KLF16: variants seen among roughly 807,000 people sequenced by gnomAD.
KLF16 encodes the protein KLF transcription factor 16.
A neutral mutation model predicts 6.1 loss-of-function variants in KLF16; 6 were observed. The ratio of observed to expected loss-of-function variants is 0.98; its 90% CI spans 0.54 to 1.93. The LOEUF (loss-of-function observed/expected upper bound fraction) is 1.93, where lower values mean the gene tolerates loss of function less well. Ranked by LOEUF, KLF16 falls within the 30% of genes most tolerant of loss-of-function variation. The pLI is 0.01. For synonymous variants in KLF16, 211 were observed against 176.5 expected (o/e 1.20, Z -1.55); for missense variants, 355 against 363.8 (o/e 0.98, Z 0.20).
chr19:1,866,627 T>A (rs1267917591), upstream of KLF16, among the ~76,000 whole-genome samples: 5 of 136,142 alleles, frequency 3.7e-5, no homozygotes, highest in South Asian at 2.3e-4. Flanking sequence ...AAAAAAAAAA[T>A]TAGCGGGCGC....
chr19:1,859,375 AG>A (rs1189005971), intron 1 of KLF16, among the ~76,000 whole-genome samples: 11 of 152,196 alleles, frequency 7.2e-5, no homozygotes, highest in South Asian at 6.2e-4. Context: ...CCCAGTGCGT[AG>A]ACCAGCACGC....
At chr19:1,866,620 A>T (rs2012192523), upstream of KLF16, among the ~76,000 whole-genome samples, 1 of 151,632 alleles carries the variant, frequency 6.6e-6, no homozygotes, top group Non-Finnish European at 1.5e-5. Flanking sequence ...CTCAAAAAAA[A>T]AAAAAATTAG....
rs1449180336 is a variant in KLF16, at chr19:1,854,695, C to T, written c.523G>A (p.Ala175Thr). The T allele has an allele frequency of 6.2e-7, 1 of 1,600,254 alleles. No homozygotes were observed. ...CCCGTGTGCGTCCGGTGGTGGCGGG[C>T]CAGCTCGTCGGAGCGGGCGAACTTC... ...DKKFARSDEL[A>T]RHHRTHTGEK... is the part of the protein sequence containing the mutation. Residue 175 changes from alanine (A) to threonine (T), a missense_variant, in exon 2 of 2, where the codon GCC becomes ACC. Physicochemically the swap from Ala to Thr is moderately conservative, Grantham distance 58. Transcript: ENST00000250916.
chr19:1,864,762 G>C (rs2012157326), upstream of KLF16, among the ~76,000 whole-genome samples: 1 of 152,196 alleles, frequency 6.6e-6, no homozygotes, highest in Admixed American at 6.5e-5. Context: ...TTAAATATTA[G>C]GGGGGACACC....
Position 1,854,551 on chromosome 19 carries a change from G to A in KLF16, c.667C>T (p.Arg223Cys), listed in dbSNP as rs780725882. 2.7e-4 allele frequency: 418 copies of A among 1,562,152 alleles called. 4 individuals carry two copies. The highest frequency in any genetic ancestry group is 2.3e-5 in the South Asian group (2 of 87,436). ...HPDLLRRPGA[R>C]STSPSDSLPC... ...AGCGAGTCGCTGGGGGAGGTACTGC[G>A]GGCACCAGGGCGCCGGAGCAGGTCC... is the stretch of plus-strand genomic sequence containing the variant. Residue 223 changes from arginine to cysteine, a missense_variant, in exon 2 of 2, where the codon CGC (arginine) becomes TGC (cysteine). Arg to Cys is a radical substitution (Grantham distance 180). Transcript: ENST00000250916.
the KLF16 span, among the ~76,000 whole-genome samples, chr19:1,871,660 G>A: frequency 4.6e-5 from 7 of 152,126 alleles, no homozygotes; most frequent in African/African-American, 1.4e-4. Flanking sequence ...CACGCACGGT[G>A]GGGGGCGGGG....
rs2012110556 is a variant in KLF16, at chr19:1,863,287, C to A, written c.211G>T (p.Gly71Cys). ...PPPAASGPGP[G>C]AAAAPHLLAA... ...AGCAGGTGGGGCGCCGCGGCGGCGC[C>A]GGGGCCCGGGCCAGAAGCGGCGGGG... Residue 71 changes from glycine to cysteine, a missense_variant, in exon 1 of 2, where the codon GGC becomes TGC. Physicochemically the swap from Gly to Cys is radical, Grantham distance 159. Transcript: ENST00000250916. The A allele has an allele frequency of 1.0e-6, 1 of 978,388 alleles. No homozygotes were observed. Among genetic ancestry groups the A allele is most frequent in the African/African-American group, 1.8e-5 (1 of 55,462 alleles). 60.6% of individuals were successfully genotyped at this position (978,388 alleles called of 1,614,324 possible). A position where few individuals can be genotyped will look rare whatever the true frequency, so the allele number is the denominator to read the frequency against.
upstream of KLF16, among the ~76,000 whole-genome samples, chr19:1,864,512 G>T (rs1225947454): frequency 1.3e-5 from 2 of 152,134 alleles, no homozygotes; most frequent in African/African-American, 4.8e-5. Context: ...CCCACTGGGG[G>T]TGGGGAGGGC....
chr19:1,863,493 G>A lies in KLF16; in HGVS notation c.5C>T (p.Ser2Leu). The A allele has an allele frequency of 9.8e-7, 1 of 1,017,382 alleles. No individual in the cohort carries two copies. The highest frequency in any genetic ancestry group is 1.2e-6 in the Non-Finnish European group (1 of 850,744). 63.0% of individuals were successfully genotyped at this position (1,017,382 alleles called of 1,614,324 possible). Residue 2 changes from serine (S) to leucine (L), a missense_variant, in exon 1 of 2, where the codon TCG becomes TTG. Ser to Leu is a moderately radical substitution (Grantham distance 145, BLOSUM62 -2). Transcript: ENST00000250916. M[S>L]AAVACVDYFA... Reference sequence around the variant, plus strand: ...GTAATCCACGCACGCCACGGCCGCCGACATGCCGAGCAAGGGCGCGCGGCG... The same window carrying A: ...GTAATCCACGCACGCCACGGCCGCCAACATGCCGAGCAAGGGCGCGCGGCG...
intron 1 of KLF16, among the ~76,000 whole-genome samples, chr19:1,855,226 T>C (rs1160114530): frequency 1.3e-5 from 2 of 152,178 alleles, no homozygotes; most frequent in African/African-American, 4.8e-5. Context: ...CATCTGTGCA[T>C]GATCCCCTCC....
At chr19:1,862,428 G>A (rs2012084436) in intron 1 of KLF16, among the ~76,000 whole-genome samples, 3 of 152,080 alleles carry the variant, frequency 2.0e-5, no homozygotes, top group East Asian at 1.9e-4. Flanking sequence ...ATACTATGAA[G>A]TTCCCCCGCC....
rs555030523 is a variant in KLF16 at position 1,862,366 on chromosome 19, A to C, written c.457+675T>G. ...TCGCCCGCCAGGTAGGGGTGAACAAACACGCCAGGGAAATACAGCAGTGTG... is the reference window on the plus strand; with the variant it reads ...TCGCCCGCCAGGTAGGGGTGAACAACCACGCCAGGGAAATACAGCAGTGTG... On this transcript the variant is annotated intron_variant, in intron 1 of 1. Transcript: ENST00000250916. 5.6e-4 allele frequency among the ~76,000 whole-genome samples: 85 copies of C among 152,298 alleles called. No individual in the cohort carries two copies. The East Asian group carries it at 0.015, about 27-fold the overall frequency.
rs778639691 is a variant in KLF16, at chr19:1,863,031, C to G, written c.457+10G>C. On this transcript the variant is annotated intron_variant, in intron 1 of 1. Transcript: ENST00000250916. The stretch of plus-strand genomic sequence containing the variant: ...GCCCCCGCAAGGGCCGGGATCGCGG[C>G]TGCACTCACCTGTGTGCGTCCGCAG... 7.4e-7 allele frequency: 1 copy of G among 1,356,112 alleles called. No homozygotes were observed. The highest frequency in any genetic ancestry group is 1.4e-5 in the South Asian group (1 of 70,028). 84.0% of individuals were successfully genotyped at this position (1,356,112 alleles called of 1,614,324 possible).
chr19:1,870,315 A>G, the KLF16 span, among the ~76,000 whole-genome samples: 1 of 152,140 alleles, frequency 6.6e-6, no homozygotes, highest in African/African-American at 2.4e-5. Context: ...GCACGGCAGC[A>G]GCTCACATTT....
chr19:1,854,381 C>T lies in KLF16; in HGVS notation c.*78G>A. 7.4e-7 allele frequency: 1 copy of T among 1,359,346 alleles called. No individual in the cohort carries two copies. Among genetic ancestry groups the T allele is most frequent in the Non-Finnish European group, 9.4e-7 (1 of 1,063,548 alleles). 84.2% of individuals were successfully genotyped at this position (1,359,346 alleles called of 1,614,324 possible). On this transcript the variant is annotated 3_prime_UTR_variant, in exon 2 of 2. Transcript: ENST00000250916. ...GGGTTTGCCCACGGCTGGAAGGGGC[C>T]CAGGCTCCCCGTGGGTCCTCACTAC...
intron 1 of KLF16, among the ~76,000 whole-genome samples, chr19:1,859,093 T>G (rs911915185): frequency 7.0e-6 from 1 of 142,014 alleles, no homozygotes; most frequent in African/African-American, 2.5e-5. Flanking sequence ...CCACCCCCTA[T>G]GGCCTGGCAC....
At chr19:1,874,746 C>CAAAAAAAAA in the KLF16 span, 65 of 42,000 alleles carry the variant, frequency 1.5e-3, 6 homozygotes, top group East Asian at 4.1e-3. Flanking sequence ...GTCAGAGTCC[C>CAAAAAAAAA]AAAAAAAAAA....
chr19:1,863,106 A>T lies in KLF16; in HGVS notation c.392T>A (p.Phe131Tyr). ...GTAGTAGGCTTTGGCGCAGTCCGGG[A>T]AGGGACAGCGGTGGCTCTTGGCGGC... The part of the protein sequence containing the change: ...SAAAKSHRCP[F>Y]PDCAKAYYKS... The change falls in exon 1 of 2, where the codon TTC becomes TAC. Residue 131 changes from phenylalanine (F) to tyrosine (Y), a missense_variant. Phe to Tyr is a conservative substitution (Grantham distance 22). Transcript: ENST00000250916. 7.2e-7 allele frequency: 1 copy of T among 1,393,922 alleles called. No homozygotes were observed. The highest frequency in any genetic ancestry group is 9.5e-7 in the Non-Finnish European group (1 of 1,055,014). The allele number at this position is 1,393,922 out of a possible 1,614,324, so 86.3% of individuals were successfully genotyped here.
chr19:1,869,231 C>G, the KLF16 span, among the ~76,000 whole-genome samples: 1 of 152,218 alleles, frequency 6.6e-6, no homozygotes, highest in Non-Finnish European at 1.5e-5. Context: ...AATCCCAGCA[C>G]TTCCAGAGGC....
Sources: gnomAD v4.1 joint callset for allele counts (sites outside exome capture counted in the v4.1 genomes callset) on GRCh38, gnomAD v4.1.1 for gene constraint, MANE v1.5 for transcripts, NCBI Gene and HGNC (gene_info 2026-07-23, HGNC 2026-07-21) for gene names.